Variants in NREP observed in about 807,000 individuals in gnomAD.
NREP encodes the protein neuronal regeneration related protein.
A neutral mutation model predicts 8.6 loss-of-function variants in NREP; 5 were observed. The ratio of observed to expected loss-of-function variants is 0.58; its 90% CI spans 0.30 to 1.22. The LOEUF (loss-of-function observed/expected upper bound fraction) is 1.22. Among genes scored for constraint, NREP ranks in the 50% most tolerant of loss-of-function variants. NREP has a pLI of 0.07. For synonymous variants in NREP, 27 were observed against 28.0 expected (o/e 0.96, Z 0.11); for missense variants, 86 against 82.5 (o/e 1.04, Z -0.17).
rs969105225 is a variant in NREP at position 111,730,036 on chromosome 5, T to C, written c.*885A>G. The C allele has an allele frequency of 1.4e-5, 2 of 147,122 alleles. No homozygotes were observed. The highest frequency in any genetic ancestry group is 3.0e-5 in the Non-Finnish European group (2 of 67,700). 9.1% of individuals were successfully genotyped at this position (147,122 alleles called of 1,614,324 possible). A position where few individuals can be genotyped will look rare whatever the true frequency, so the allele number is the denominator to read the frequency against. The stretch of plus-strand genomic sequence containing the variant: ...TCAAAATGCCTGTAAAATTATTGCT[T>C]TTCTTTCTCTAAGTCAGGCAGGCGA... On this transcript the variant is annotated 3_prime_UTR_variant, in exon 4 of 4. Transcript: ENST00000257435.
chr5:111,884,412 C>A (rs1253302889), intron 2 of NREP, among the ~76,000 whole-genome samples: 1 of 151,936 alleles, frequency 6.6e-6, no homozygotes, highest in Non-Finnish European at 1.5e-5. Context: ...GGAACTGGTA[C>A]CATTCCTTCT....
intron 2 of NREP, among the ~76,000 whole-genome samples, chr5:111,814,342 G>C (rs1261015081): frequency 6.6e-6 from 1 of 152,096 alleles, no homozygotes; most frequent in Non-Finnish European, 1.5e-5. Flanking sequence ...ACATCTGAAA[G>C]ACATTTCTTA....
intron 2 of NREP, among the ~76,000 whole-genome samples, chr5:111,775,996 C>A (rs980774099): frequency 6.6e-5 from 10 of 151,978 alleles, no homozygotes; most frequent in Non-Finnish European, 1.0e-4. Context: ...CTATAAAAAA[C>A]CATAAAAATG....
At chr5:111,972,889 C>T (rs1756860556) in intron 2 of NREP, among the ~76,000 whole-genome samples, 1 of 152,196 alleles carries the variant, frequency 6.6e-6, no homozygotes, top group Non-Finnish European at 1.5e-5. Flanking sequence ...AGGGGCTCCT[C>T]TGCTCATGCA....
At chr5:111,795,481 A>G (rs1751853768) in intron 2 of NREP, among the ~76,000 whole-genome samples, 1 of 152,248 alleles carries the variant, frequency 6.6e-6, no homozygotes, top group Non-Finnish European at 1.5e-5. Context: ...CAGTTGCTTG[A>G]AATATTCTTT....
chr5:111,743,450 C>CTAAG (rs1749809464), intron 2 of NREP, among the ~76,000 whole-genome samples: 1 of 152,144 alleles, frequency 6.6e-6, no homozygotes, highest in Non-Finnish European at 1.5e-5. Context: ...CATCTGAGTT[C>CTAAG]TAAGTCTGGC....
intron 2 of NREP, among the ~76,000 whole-genome samples, chr5:111,887,759 G>A (rs1405705418): frequency 2.6e-5 from 4 of 152,156 alleles, no homozygotes; most frequent in Admixed American, 2.6e-4. Context: ...GTGTCCATGG[G>A]CATTGCTGTT....
At chr5:111,843,622 T>C (rs1753086484) in intron 2 of NREP, among the ~76,000 whole-genome samples, 1 of 152,134 alleles carries the variant, frequency 6.6e-6, no homozygotes, top group Non-Finnish European at 1.5e-5. Flanking sequence ...GCCTTATTAT[T>C]AGTGATCATT....
intron 1 of NREP, chr5:111,976,623 T>C: frequency 9.1e-7 from 1 of 1,097,824 alleles, no homozygotes; most frequent in South Asian, 1.5e-5. Flanking sequence ...GAGAGGTCAG[T>C]GAGGCAGAGA....
intron 2 of NREP, among the ~76,000 whole-genome samples, chr5:111,825,090 T>G (rs1332840957): frequency 3.9e-5 from 6 of 152,232 alleles, no homozygotes; most frequent in Non-Finnish European, 1.5e-5. Context: ...ATGTAGACTC[T>G]ATTTTCCTTT....
intron 2 of NREP, among the ~76,000 whole-genome samples, chr5:111,881,318 G>A (rs1007289365): frequency 1.3e-5 from 2 of 152,204 alleles, no homozygotes; most frequent in African/African-American, 4.8e-5. Flanking sequence ...AAACAAAGCA[G>A]CCTGGGAAGC....
chr5:111,971,020 T>C (rs933833492), intron 2 of NREP, among the ~76,000 whole-genome samples: 11 of 152,130 alleles, frequency 7.2e-5, no homozygotes, highest in Non-Finnish European at 1.3e-4. Context: ...CGATGTGATG[T>C]TGACAGGGAG....
At chr5:111,931,739 A>G (rs192828965) in intron 2 of NREP, among the ~76,000 whole-genome samples, 1 of 152,136 alleles carries the variant, frequency 6.6e-6, no homozygotes, top group African/African-American at 2.4e-5. Flanking sequence ...TAATTGATAA[A>G]ATGTTCTAAA....
At chr5:111,877,591 T>C (rs1242794403) in intron 2 of NREP, among the ~76,000 whole-genome samples, 2 of 152,206 alleles carry the variant, frequency 1.3e-5, no homozygotes. Flanking sequence ...CAAATGGAAA[T>C]GAAAATCTTA....
At chr5:111,756,312 A>AAAC (rs1561651771) in intron 1 of NREP, 3 of 99,460 alleles carry the variant, frequency 3.0e-5, no homozygotes, top group Non-Finnish European at 4.8e-5. Context: ...AAAAAAAAAA[A>AAAC]CCCTACACGG....
At chr5:111,837,184 T>C (rs1465234450) in intron 2 of NREP, among the ~76,000 whole-genome samples, 2 of 152,104 alleles carry the variant, frequency 1.3e-5, no homozygotes, top group Admixed American at 6.6e-5. Context: ...CAGAAGATCC[T>C]AGTTTCTAAA....
At chr5:111,753,706 G>A (rs1000091950) in intron 2 of NREP, among the ~76,000 whole-genome samples, 1 of 152,092 alleles carries the variant, frequency 6.6e-6, no homozygotes, top group African/African-American at 2.4e-5. Flanking sequence ...GAGGTGTCCA[G>A]GAGACAAATC....
At chr5:111,844,900 G>A (rs2112953480) in intron 2 of NREP, among the ~76,000 whole-genome samples, 1 of 151,424 alleles carries the variant, frequency 6.6e-6, no homozygotes, top group Non-Finnish European at 1.5e-5. Context: ...CCTAGTGATT[G>A]ATATATTTAT....
At chr5:111,893,383 C>T (rs1425827751) in intron 2 of NREP, among the ~76,000 whole-genome samples, 1 of 151,946 alleles carries the variant, frequency 6.6e-6, no homozygotes, top group Non-Finnish European at 1.5e-5. Context: ...ATCTATTAGA[C>T]AAAATAGGTA....
Sources: allele counts gnomAD v4.1 joint callset (sites outside exome capture counted in the v4.1 genomes callset), GRCh38; gene constraint gnomAD v4.1.1; transcripts MANE v1.5; gene names NCBI Gene and HGNC (gene_info 2026-07-23, HGNC 2026-07-21).